RSPH14: variants seen among roughly 807,000 people sequenced by gnomAD.
RSPH14 encodes the protein radial spoke head 14 homolog.
In RSPH14, 20 loss-of-function variants were observed where a neutral mutation model predicts 26.7. The ratio of observed to expected loss-of-function variants is 0.75; its 90% CI spans 0.53 to 1.09. The LOEUF is 1.09. Among genes scored for constraint, RSPH14 ranks in the 50% least tolerant of loss-of-function variants. RSPH14 has a pLI of 0.00. For synonymous variants in RSPH14, 177 were observed against 189.3 expected (o/e 0.93, Z 0.53); for missense variants, 449 against 457.2 (o/e 0.98, Z 0.16).
rs1190388968 is a variant in RSPH14 at position 23,064,018 on chromosome 22, C to A, written c.537G>T (p.Leu179=). 1 of 1,614,096 alleles carries A rather than the reference C, an allele frequency of 6.2e-7. No individual in the cohort carries two copies. The highest frequency in any genetic ancestry group is 8.5e-7 in the Non-Finnish European group (1 of 1,180,042). ...CCAGGGCCTCGGTGGCATCCTCCTG[C>A]AGGCAGAGGACCAGTGTGTCCAGGA... The part of the protein sequence containing the change: ...EFILDTLVLC[L]QEDATEALGS... The change falls in exon 5 of 7, where the codon CTG becomes CTT. Residue 179 remains leucine, a synonymous_variant. Transcript: ENST00000216036.
chr22:23,102,543 G>A (rs1189268417), intron 4 of RSPH14, among the ~76,000 whole-genome samples: 2 of 152,152 alleles, frequency 1.3e-5, no homozygotes, highest in Non-Finnish European at 2.9e-5. Context: ...TCCTTGGTCA[G>A]AGGTCAGCCA....
the RSPH14 span, chr22:23,153,475 C>A: frequency 1.4e-6 from 1 of 719,896 alleles, no homozygotes; most frequent in Non-Finnish European, 1.7e-6. Flanking sequence ...ACCAGGCCAG[C>A]AGGGTGGCCT....
chr22:23,145,564 GC>G, upstream of RSPH14: 1 of 1,596,044 alleles, frequency 6.3e-7, no homozygotes. Context: ...GAGTCAGCTC[GC>G]CCACTCTGTC....
chr22:23,133,016 G>C (rs1422207963), intron 4 of RSPH14: 1 of 152,122 alleles, frequency 6.6e-6, no homozygotes. Context: ...ATGTGCAGAT[G>C]CAAGTATTTT....
chr22:23,095,611 G>A lies in RSPH14; in HGVS notation c.422-31478C>T, dbSNP rs9624024. ...GTGCCTCCAGGGCAGCTGGGCTCTTGTCTGCCTGGTCTCAGTGTCCCCTGT... is the reference window on the plus strand; with the variant it reads ...GTGCCTCCAGGGCAGCTGGGCTCTTATCTGCCTGGTCTCAGTGTCCCCTGT... On this transcript the variant is annotated intron_variant, in intron 4 of 6. Transcript: ENST00000216036. The A allele has an allele frequency of 8.4e-3, 12,341 of 1,465,018 alleles. 898 individuals are homozygous for A. The African/African-American group carries it at 0.15, about 18-fold the overall frequency. The allele number at this position is 1,465,018 out of a possible 1,614,324, so 90.8% of individuals were successfully genotyped here. A position where few individuals can be genotyped will look rare whatever the true frequency, so the allele number is the denominator to read the frequency against.
At chr22:23,129,417 C>T (rs748846651) in intron 4 of RSPH14, among the ~76,000 whole-genome samples, 10 of 152,124 alleles carry the variant, frequency 6.6e-5, no homozygotes, top group Non-Finnish European at 1.5e-4. Flanking sequence ...AGTACCACAG[C>T]CCCCTACTCC....
At chr22:23,137,919 C>T (rs780764790) in intron 3 of RSPH14, 1 of 154,494 alleles carries the variant, frequency 6.5e-6, no homozygotes, top group Admixed American at 6.5e-5. Flanking sequence ...AGAGGGTGAA[C>T]CCAGCTGATG....
chr22:23,131,171 C>T (rs2070353997), intron 4 of RSPH14: 1 of 158,222 alleles, frequency 6.3e-6, no homozygotes, highest in Non-Finnish European at 1.4e-5. Flanking sequence ...AGTGGCGCAA[C>T]ATGGATTCAT....
the RSPH14 span, chr22:23,161,762 A>G: frequency 2.6e-5 from 15 of 569,106 alleles, no homozygotes; most frequent in East Asian, 4.3e-4. Context: ...GGCACTAGAA[A>G]AGGCCCCCAC....
intron 4 of RSPH14, among the ~76,000 whole-genome samples, chr22:23,065,354 C>G (rs1217174372): frequency 1.3e-5 from 2 of 151,914 alleles, no homozygotes; most frequent in Non-Finnish European, 2.9e-5. Flanking sequence ...TCTCCATGCC[C>G]CATCCCCCAG....
chr22:23,166,952 G>C, the RSPH14 span, among the ~76,000 whole-genome samples: 1 of 152,110 alleles, frequency 6.6e-6, no homozygotes, highest in Non-Finnish European at 1.5e-5. Flanking sequence ...TATGCAGTGA[G>C]GTGCTCTGGA....
intron 4 of RSPH14, among the ~76,000 whole-genome samples, chr22:23,118,598 G>A (rs901825052): frequency 6.6e-6 from 1 of 152,292 alleles, no homozygotes. Context: ...TGGGGAGTCA[G>A]CCCCTCTTGA....
chr22:23,164,113 G>T, the RSPH14 span: 7 of 152,256 alleles, frequency 4.6e-5, no homozygotes, highest in Non-Finnish European at 7.3e-5. Flanking sequence ...CAGCATTGGG[G>T]TCCATTAGGA....
At chr22:23,109,452 G>A (rs1239436290) in intron 4 of RSPH14, among the ~76,000 whole-genome samples, 1 of 152,206 alleles carries the variant, frequency 6.6e-6, no homozygotes, top group African/African-American at 2.4e-5. Flanking sequence ...CTGGGAGAAA[G>A]GGAGTCAGAC....
chr22:23,062,603 C>G (rs2068119312), intron 5 of RSPH14, among the ~76,000 whole-genome samples: 2 of 152,194 alleles, frequency 1.3e-5, no homozygotes, highest in Admixed American at 6.5e-5. Context: ...CCAAAGAACC[C>G]TCATTTTTGT....
intron 2 of RSPH14, among the ~76,000 whole-genome samples, chr22:23,139,525 G>A (rs981432696): frequency 3.9e-5 from 6 of 152,236 alleles, no homozygotes; most frequent in African/African-American, 7.2e-5. Context: ...GGAGGCTGAG[G>A]CAGGAGAATC....
chr22:23,155,905 G>A, the RSPH14 span: 2 of 1,476,460 alleles, frequency 1.4e-6, no homozygotes, highest in Non-Finnish European at 9.2e-7. Context: ...TAGCCTGTTG[G>A]CTCAAGACAC....
the RSPH14 span, chr22:23,180,090 G>T: frequency 3.1e-6 from 1 of 324,534 alleles, no homozygotes. Context: ...GGACTGCTGC[G>T]AGTTCTGCCA....
intron 4 of RSPH14, among the ~76,000 whole-genome samples, chr22:23,094,982 G>A (rs915779256): frequency 2.8e-4 from 42 of 152,240 alleles, no homozygotes; most frequent in African/African-American, 9.4e-4. Flanking sequence ...CATGGGGGCT[G>A]GGTGGGCAGA....
Sources: gnomAD v4.1 joint callset for allele counts (sites outside exome capture counted in the v4.1 genomes callset) on GRCh38, gnomAD v4.1.1 for gene constraint, MANE v1.5 for transcripts, NCBI Gene and HGNC (gene_info 2026-07-23, HGNC 2026-07-21) for gene names.